Variants in TPTE observed in about 807,000 individuals in gnomAD.
TPTE encodes the protein putative tyrosine-protein phosphatase TPTE.
A neutral mutation model predicts 84.1 loss-of-function variants in TPTE; 59 were observed. The observed-to-expected ratio is 0.70, with a 90% CI of 0.57 to 0.87. The LOEUF (loss-of-function observed/expected upper bound fraction) is 0.87, where lower values mean the gene tolerates loss of function less well. Ranked by LOEUF, TPTE falls within the 40% of genes least tolerant of loss-of-function variation. TPTE has a pLI of 0.00. For synonymous variants in TPTE, 130 were observed against 223.5 expected, an observed-to-expected ratio of 0.58 and a Z score of 3.73; for missense variants, 382 against 659.6, an observed-to-expected ratio of 0.58 and a Z score of 4.61.
chr21:10,528,732 C>G (rs1386855805), intron 3 of TPTE, among the ~76,000 whole-genome samples: 1 of 152,428 alleles, frequency 6.6e-6, no homozygotes, highest in Admixed American at 6.5e-5. Flanking sequence ...AATTAATTTT[C>G]CACATTTAAA....
At chr21:10,552,462 G>A (rs1351360389) in intron 7 of TPTE, among the ~76,000 whole-genome samples, 195 bp from the exon 8 acceptor site, 13 of 152,420 alleles carry the variant, frequency 8.5e-5, no homozygotes, top group African/African-American at 3.1e-4. Flanking sequence ...AGTGTTGGGA[G>A]TATCCATGAG....
intron 3 of TPTE, among the ~76,000 whole-genome samples, chr21:10,529,013 G>A (rs1193548897): frequency 7.9e-5 from 12 of 152,344 alleles, no homozygotes; most frequent in Admixed American, 4.6e-4. Context: ...GTAAAACCGC[G>A]TCTCTACTAA....
intron 2 of TPTE, among the ~76,000 whole-genome samples, chr21:10,525,785 A>G (rs1479826960): frequency 6.6e-5 from 10 of 152,302 alleles, no homozygotes; most frequent in African/African-American, 1.9e-4. Flanking sequence ...TCTGTGCCCC[A>G]AAGCAGCTTA....
intron 14 of TPTE, among the ~76,000 whole-genome samples, chr21:10,576,056 C>A (rs559685908): frequency 4.6e-5 from 7 of 152,422 alleles, no homozygotes; most frequent in African/African-American, 1.2e-4. Context: ...ACCATCAGAC[C>A]CAGCAATCCC....
intron 19 of TPTE, among the ~76,000 whole-genome samples, chr21:10,594,006 A>T (rs1298089186): frequency 6.6e-6 from 1 of 152,306 alleles, no homozygotes; most frequent in Admixed American, 6.5e-5. Flanking sequence ...CTAAGCTAAA[A>T]GTGATAGGTG....
chr21:10,531,452 G>A (rs2074177123), intron 3 of TPTE, among the ~76,000 whole-genome samples: 1 of 152,310 alleles, frequency 6.6e-6, no homozygotes, highest in Non-Finnish European at 1.5e-5. Flanking sequence ...AGAAGCAGAT[G>A]TTGGCATCAG....
intron 4 of TPTE, 36 bp from the exon 5 acceptor site, chr21:10,541,076 G>A (rs546677809): frequency 3.2e-5 from 52 of 1,611,594 alleles, no homozygotes; most frequent in East Asian, 2.0e-4. Context: ...TTAGAATTAC[G>A]CATTGGGTCT....
intron 8 of TPTE, among the ~76,000 whole-genome samples, chr21:10,557,939 AT>A (rs2074715657): frequency 6.6e-6 from 1 of 152,302 alleles, no homozygotes; most frequent in Non-Finnish European, 1.5e-5. Context: ...CCCAGTGTCT[AT>A]TTCCTTCTTT....
chr21:10,604,106 A>T (rs1291474592), intron 23 of TPTE, among the ~76,000 whole-genome samples: 4 of 152,414 alleles, frequency 2.6e-5, no homozygotes, highest in Admixed American at 2.6e-4. Context: ...ACACAGTATT[A>T]AGGAATACAG....
intron 10 of TPTE, among the ~76,000 whole-genome samples, chr21:10,567,287 AACTT>A (rs2074941914): frequency 6.6e-6 from 1 of 152,268 alleles, no homozygotes; most frequent in South Asian, 2.1e-4. Context: ...AGTCAACAAT[AACTT>A]GATTGTATAT....
intron 3 of TPTE, among the ~76,000 whole-genome samples, chr21:10,535,243 T>G (rs933100545): frequency 1.3e-5 from 2 of 152,308 alleles, no homozygotes; most frequent in Non-Finnish European, 2.9e-5. Context: ...TTGATGGTAG[T>G]AACCTATGAT....
At chr21:10,556,198 C>T (rs1401790973) in intron 8 of TPTE, among the ~76,000 whole-genome samples, 1 of 152,428 alleles carries the variant, frequency 6.6e-6, no homozygotes, top group South Asian at 2.1e-4. Flanking sequence ...CCCCATCCCC[C>T]CACCCCATGA....
chr21:10,541,031 C>T (rs992882404), intron 4 of TPTE, 81 bp from the exon 5 acceptor site: 5 of 1,587,382 alleles, frequency 3.1e-6, no homozygotes, highest in Non-Finnish European at 4.3e-6. Flanking sequence ...TGGGGAATGA[C>T]ACATAGACTA....
chr21:10,600,745 T>G (rs1001509454), intron 21 of TPTE, among the ~76,000 whole-genome samples: 2 of 152,308 alleles, frequency 1.3e-5, no homozygotes, highest in South Asian at 2.1e-4. Flanking sequence ...CAGGGCCTAG[T>G]ATAGACCTTT....
intron 7 of TPTE, among the ~76,000 whole-genome samples, chr21:10,551,106 T>C (rs1217101160): frequency 2.0e-5 from 3 of 152,424 alleles, no homozygotes; most frequent in African/African-American, 4.8e-5. Context: ...AAAGCAGTTA[T>C]TAAGAACTAT....
intron 7 of TPTE, among the ~76,000 whole-genome samples, chr21:10,545,312 G>A (rs1410006806): frequency 6.6e-6 from 1 of 152,272 alleles, no homozygotes; most frequent in Non-Finnish European, 1.5e-5. Flanking sequence ...TAAGGCCCAG[G>A]AGCACCTTTA....
chr21:10,587,539 G>A (rs1217207984), intron 17 of TPTE, among the ~76,000 whole-genome samples: 4 of 152,284 alleles, frequency 2.6e-5, no homozygotes, highest in Admixed American at 6.5e-5. Context: ...ATGCTGCAAA[G>A]GAAATGATTT....
intron 17 of TPTE, 38 bp downstream of exon 17, chr21:10,578,643 G>C: frequency 6.2e-7 from 1 of 1,611,900 alleles, no homozygotes; most frequent in Admixed American, 1.7e-5. Flanking sequence ...CATTTCTAAA[G>C]ACATGTAAAT....
At chr21:10,602,027 A>G (rs777231135) in intron 21 of TPTE, 31 bp from the exon 22 acceptor site, 8 of 1,596,462 alleles carry the variant, frequency 5.0e-6, no homozygotes, top group Middle Eastern at 1.7e-4. Context: ...ATCTAGGTTT[A>G]TAGTTCTCAA....
Sources: gnomAD v4.1 joint callset for allele counts (sites outside exome capture counted in the v4.1 genomes callset) on GRCh38, gnomAD v4.1.1 for gene constraint, MANE v1.5 for transcripts, NCBI Gene and HGNC (gene_info 2026-07-23, HGNC 2026-07-21) for gene names.